Variants in CRY2 observed in about 807,000 individuals in gnomAD.
The protein encoded by CRY2 is cryptochrome-2.
In CRY2, 31 loss-of-function variants were observed where a neutral mutation model predicts 69.5. The ratio of observed to expected loss-of-function variants is 0.45; its 90% CI spans 0.34 to 0.60. The LOEUF (loss-of-function observed/expected upper bound fraction) is 0.60. Among genes scored for constraint, CRY2 ranks in the 20% least tolerant of loss-of-function variants. The pLI is 0.02. For synonymous variants in CRY2, 303 were observed against 312.2 expected (o/e 0.97, Z 0.31); for missense variants, 606 against 797.8 (o/e 0.76, Z 2.90).
chr11:45,874,492 C>A (rs897949367), intron 11 of CRY2, among the ~76,000 whole-genome samples: 4 of 152,186 alleles, frequency 2.6e-5, no homozygotes, highest in African/African-American at 9.7e-5. Context: ...ACAGCAAGGG[C>A]AGCTGCACTC....
intron 6 of CRY2, among the ~76,000 whole-genome samples, 173 bp from the exon 7 acceptor site, chr11:45,869,333 G>C (rs1245907213): frequency 6.6e-6 from 1 of 152,212 alleles, no homozygotes; most frequent in African/African-American, 2.4e-5. Flanking sequence ...GCAGGGCCTG[G>C]GTGTTTCACA....
In CRY2 at chr11:45,847,672, C is replaced by T; in HGVS notation, c.182C>T (p.Ala61Val). The T allele has an allele frequency of 1.3e-6, 2 of 1,587,768 alleles. No homozygotes were observed. Among genetic ancestry groups the T allele is most frequent in the Non-Finnish European group, 1.7e-6 (2 of 1,167,758 alleles). The change falls in exon 1 of 12, where the codon GCG (alanine) becomes GTG (valine). Residue 61 changes from alanine (A) to valine (V), a missense_variant. By Grantham distance (64) the Ala-to-Val change is moderately conservative (BLOSUM62 0). This residue lies in a region of CRY2 where 382 missense variants were observed against 508.9 expected (regional missense o/e 0.75). Transcript: ENST00000616080. ...GTTTACATTCTCGACCCGTGGTTCG[C>T]GGCCTCCTCCTCAGTCGGGATCAAC... is the stretch of plus-strand genomic sequence containing the variant. ...RCVYILDPWF[A>V]ASSSVGINRW...
intron 5 of CRY2, among the ~76,000 whole-genome samples, chr11:45,865,270 T>C (rs773176148): frequency 1.4e-4 from 22 of 152,072 alleles, no homozygotes; most frequent in Non-Finnish European, 2.4e-4. Context: ...TTGCATATAC[T>C]GGGGGGCAGG....
chr11:45,867,672 A>G lies in CRY2; in HGVS notation c.802A>G (p.Thr268Ala). ...MNANSLLASPTGLSPYLRFGC... is the reference protein window; with the variant it reads ...MNANSLLASPAGLSPYLRFGC... ...CGCCAACTCCCTCCTGGCCAGCCCC[A>G]CAGGCCTCAGCCCCTACCTGCGCTT... The change falls in exon 6 of 12, where the codon ACA becomes GCA. Residue 268 changes from threonine (T) to alanine (A), a missense_variant. Physicochemically the swap from Thr to Ala is moderately conservative, Grantham distance 58. Coordinates refer to ENST00000616080, the MANE Select transcript of CRY2 (RefSeq NM_021117.5). 6.2e-7 allele frequency: 1 copy of G among 1,614,176 alleles called. No individual in the cohort carries two copies. The highest frequency in any genetic ancestry group is 8.5e-7 in the Non-Finnish European group (1 of 1,180,028).
chr11:45,857,328 A>G (rs540884017), intron 2 of CRY2, among the ~76,000 whole-genome samples: 1 of 152,276 alleles, frequency 6.6e-6, no homozygotes, highest in South Asian at 2.1e-4. Context: ...ATTGGTTGTG[A>G]AGTTAATAAG....
chr11:45,855,551 G>A (rs1326845324), intron 1 of CRY2, among the ~76,000 whole-genome samples: 4 of 152,192 alleles, frequency 2.6e-5, no homozygotes, highest in South Asian at 2.1e-4. Context: ...CAGAGACTGC[G>A]AGGGAGTAAG....
intron 11 of CRY2, among the ~76,000 whole-genome samples, chr11:45,873,029 C>T (rs965808728): frequency 6.6e-6 from 1 of 152,204 alleles, no homozygotes; most frequent in Non-Finnish European, 1.5e-5. Flanking sequence ...TCCCTTCTCA[C>T]CCATCCTGTG....
At chr11:45,873,056 TC>T (rs2086398949) in intron 11 of CRY2, among the ~76,000 whole-genome samples, 1 of 152,160 alleles carries the variant, frequency 6.6e-6, no homozygotes, top group South Asian at 2.1e-4. Flanking sequence ...GCTCTGCACC[TC>T]CCTGGCAGCG....
At chr11:45,861,297 C>A (rs2086286321) in intron 4 of CRY2, 1 of 416,480 alleles carries the variant, frequency 2.4e-6, no homozygotes, top group African/African-American at 2.0e-5. Context: ...GTACTAACCT[C>A]TCGCAGACAA....
chr11:45,858,722 T>C lies in CRY2; in HGVS notation c.325-9T>C, dbSNP rs1347548568. ...ACAGTGTTGAGCATAACAGATCCTC[T>C]CCCCACAGGAATGGGGAGTGACCCG... On this transcript the variant is annotated splice_polypyrimidine_tract_variant and intron_variant, in intron 2 of 11. Transcript: ENST00000616080. 1 of 1,611,784 alleles carries C rather than the reference T, an allele frequency of 6.2e-7. No homozygotes were observed.
chr11:45,867,556 T>G, intron 5 of CRY2, 56 bp from the exon 6 acceptor site: 2 of 1,606,040 alleles, frequency 1.2e-6, no homozygotes, highest in Middle Eastern at 1.7e-4. Flanking sequence ...ATGCCTCCAT[T>G]TTTTCCTCTG....
At chr11:45,850,268 GAAGTGCTGTGATTGC>G (rs1225641663) in intron 1 of CRY2, among the ~76,000 whole-genome samples, 1 of 151,796 alleles carries the variant, frequency 6.6e-6, no homozygotes, top group Admixed American at 6.6e-5. Context: ...TCAACCTCCC[GAAGTGCTGTGATTGC>G]AAGTATGAGC....
Position 45,881,405 on chromosome 11 carries a change from C to A in CRY2, c.*494C>A, listed in dbSNP as rs1029909430. 1 of 152,678 alleles carries A rather than the reference C, an allele frequency of 6.5e-6. No individual in the cohort carries two copies. Among genetic ancestry groups the A allele is most frequent in the Admixed American group, 6.5e-5 (1 of 15,282 alleles). 9.5% of individuals were successfully genotyped at this position (152,678 alleles called of 1,614,324 possible). A position where few individuals can be genotyped will look rare whatever the true frequency, so the allele number is the denominator to read the frequency against. On this transcript the variant is annotated 3_prime_UTR_variant, in exon 12 of 12. Transcript: ENST00000616080. Reference sequence around the variant, plus strand: ...GCCCTGCTGAGTTCCTGCTTTCTGACCTGGAGGCTGAGCAGGCCGGAGTGG... The same window carrying A: ...GCCCTGCTGAGTTCCTGCTTTCTGAACTGGAGGCTGAGCAGGCCGGAGTGG...
chr11:45,852,857 G>C (rs574454692), intron 1 of CRY2, among the ~76,000 whole-genome samples: 1 of 152,314 alleles, frequency 6.6e-6, no homozygotes, highest in African/African-American at 2.4e-5. Context: ...TGGAGGTCTG[G>C]GTTAGAGCCT....
At chr11:45,859,017 G>A (rs1451069235) in intron 3 of CRY2, 144 bp downstream of exon 3, 7 of 1,011,726 alleles carry the variant, frequency 6.9e-6, no homozygotes, top group Non-Finnish European at 1.0e-5. Context: ...AGGAGAATAG[G>A]CCAGAGTCAG....
chr11:45,861,234 A>C (rs1397889869), intron 4 of CRY2: 20 of 579,838 alleles, frequency 3.4e-5, no homozygotes, highest in Non-Finnish European at 3.9e-5. Flanking sequence ...TGTTCTGTTC[A>C]TACTCATACA....
At chr11:45,871,923 G>A (rs1271918091) in intron 10 of CRY2, among the ~76,000 whole-genome samples, 169 bp from the exon 11 acceptor site, 1 of 152,252 alleles carries the variant, frequency 6.6e-6, no homozygotes, top group African/African-American at 2.4e-5. Flanking sequence ...GACATTTCCA[G>A]GCAAAGTCAC....
At position 45,847,610 on chromosome 11, in the gene CRY2, G is replaced by A. The variant is rs2086161297; in HGVS notation, c.120G>A (p.Leu40=). 2 of 1,604,934 alleles carry A rather than the reference G, an allele frequency of 1.2e-6. No individual in the cohort carries two copies. Among genetic ancestry groups the A allele is most frequent in the Non-Finnish European group, 1.7e-6 (2 of 1,176,770 alleles). The change falls in exon 1 of 12, where the codon TTG becomes TTA. Residue 40 remains leucine (L), a synonymous_variant. Coordinates refer to ENST00000616080, the MANE Select transcript of CRY2 (RefSeq NM_021117.5). ...KGLRLHDNPA[L]LAAVRGARCV... The stretch of plus-strand genomic sequence containing the variant: ...TGCGACTCCACGACAACCCGGCGTT[G>A]CTGGCGGCCGTGCGCGGGGCGCGCT...
chr11:45,858,978 C>T, intron 3 of CRY2, 105 bp downstream of exon 3: 1 of 1,387,454 alleles, frequency 7.2e-7, no homozygotes, highest in Non-Finnish European at 9.8e-7. Context: ...CTACCTGACC[C>T]AGGAGGCATG....
Sources: gnomAD v4.1 joint callset for allele counts (sites outside exome capture counted in the v4.1 genomes callset) on GRCh38, gnomAD v4.1.1 for gene constraint, gnomAD v4.1.1 regional missense constraint, MANE v1.5 for transcripts, NCBI Gene and HGNC (gene_info 2026-07-23, HGNC 2026-07-21) for gene names.